The following EXOSC2 variants were observed in gnomAD, a reference collection of about 807,000 sequenced individuals.
The protein encoded by EXOSC2 is exosome complex component RRP4.
EXOSC2 carries 29 observed loss-of-function variants against 37.6 expected under a neutral mutation model. The observed-to-expected ratio is 0.77, with a 90% CI of 0.57 to 1.05. The LOEUF is 1.05. EXOSC2 is among the 50% of genes least tolerant of loss of function. The pLI, the probability that EXOSC2 is intolerant of heterozygous loss-of-function variation, is 0.00. For synonymous variants in EXOSC2, 119 were observed against 131.1 expected, an observed-to-expected ratio of 0.91 and a Z score of 0.63; for missense variants, 346 against 365.6, an observed-to-expected ratio of 0.95 and a Z score of 0.44.
In EXOSC2 at chr9:130,699,341, G is replaced by A; in HGVS notation, c.373G>A (p.Ala125Thr). The A allele has an allele frequency of 1.2e-6, 2 of 1,614,186 alleles. No homozygotes were observed. The highest frequency in any genetic ancestry group is 4.5e-5 in the East Asian group (2 of 44,886). The change falls in exon 5 of 9, where the codon GCA (alanine) becomes ACA (threonine). Residue 125 changes from alanine to threonine, a missense_variant. Transcript: ENST00000372358. ...LPGGELRRRSAEDELAMRGFL... is the reference protein window; with the variant it reads ...LPGGELRRRSTEDELAMRGFL... ...TTGTGTATTTCAGAGGAGAAGATCT[G>A]CAGAAGATGAGCTTGCAATGAGAGG... is the stretch of plus-strand genomic sequence containing the variant.
rs781717993 is a variant in EXOSC2, at chr9:130,698,263, AGCTGGGGCCATGGACTAGGGCCCAGTGG to A, written c.360+20_360+47del. The A allele has an allele frequency of 1.7e-5, 27 of 1,613,134 alleles. No homozygotes were observed. Among genetic ancestry groups the A allele is most frequent in the Non-Finnish European group, 2.1e-5 (25 of 1,179,684 alleles). ...CTGGAGGAGAGCTGGTAAGGGCTAC[AGCTGGGGCCATGGACTAGGGCCCAGTGG>A]GCTGGGGGGAGCCGTGGGACCCTTT... On this transcript the variant is annotated intron_variant, in intron 4 of 8. Transcript: ENST00000372358. The surrounding 1 kb of genome is among the most constrained non-coding windows in gnomAD (Gnocchi z 4.1).
rs369403330 is a variant in EXOSC2, at chr9:130,698,261, A to G, written c.360+10A>G. The G allele has an allele frequency of 9.3e-6, 15 of 1,613,176 alleles. No homozygotes were observed. Among genetic ancestry groups the G allele is most frequent in the Non-Finnish European group, 5.1e-6 (6 of 1,179,692 alleles). On this transcript the variant is annotated intron_variant, in intron 4 of 8. Transcript: ENST00000372358. The surrounding 1 kb of genome is among the most constrained non-coding windows in gnomAD (Gnocchi z 4.1). The stretch of plus-strand genomic sequence containing the variant: ...TCCTGGAGGAGAGCTGGTAAGGGCT[A>G]CAGCTGGGGCCATGGACTAGGGCCC...
At chr9:130,703,642 G>A in intron 8 of EXOSC2, 52 bp from the exon 9 acceptor site, 1 of 1,402,870 alleles carries the variant, frequency 7.1e-7, no homozygotes, top group Non-Finnish European at 9.9e-7. Flanking sequence ...TGGCTTGGTG[G>A]TCTGTTTATG....
At chr9:130,701,637 T>C in intron 6 of EXOSC2, 1 of 985,966 alleles carries the variant, frequency 1.0e-6, no homozygotes, top group South Asian at 4.7e-5. Flanking sequence ...TCCTGCGGAC[T>C]CTTCCTTGGC....
chr9:130,704,077 C>G lies in EXOSC2; in HGVS notation c.*303C>G, dbSNP rs957680514. The stretch of plus-strand genomic sequence containing the variant: ...CCATCCTGGAATAATATGGAGAATC[C>G]TTTGTCTTCCACTCACTGTCATTCA... On this transcript the variant is annotated 3_prime_UTR_variant, in exon 9 of 9. Transcript: ENST00000372358. The G allele has an allele frequency of 7.7e-5, 17 of 220,336 alleles. No homozygotes were observed. Among genetic ancestry groups the G allele is most frequent in the African/African-American group, 3.4e-4 (15 of 43,936 alleles). The allele number at this position is 220,336 out of a possible 1,614,324, so 13.6% of individuals were successfully genotyped here.
intron 4 of EXOSC2, among the ~76,000 whole-genome samples, chr9:130,699,053 A>G (rs540815009): frequency 6.6e-6 from 1 of 152,140 alleles, no homozygotes; most frequent in African/African-American, 2.4e-5. Context: ...GAAGATGACT[A>G]TGGAAATGTT....
At chr9:130,697,385 T>G (rs557930454) in intron 2 of EXOSC2, among the ~76,000 whole-genome samples, 197 bp from the exon 3 acceptor site, 2 of 152,254 alleles carry the variant, frequency 1.3e-5, no homozygotes, top group African/African-American at 4.8e-5. Context: ...GGATAGTTAA[T>G]GGAGACTTTA....
intron 5 of EXOSC2, among the ~76,000 whole-genome samples, chr9:130,700,508 C>T (rs1382037745): frequency 4.6e-5 from 7 of 151,508 alleles, no homozygotes; most frequent in African/African-American, 9.7e-5. Flanking sequence ...TACAGGCATG[C>T]GCCACTATGC....
In EXOSC2 at chr9:130,703,873, C is replaced by T; in HGVS notation, c.*99C>T. The T allele has an allele frequency of 1.0e-6, 1 of 980,410 alleles. No homozygotes were observed. The highest frequency in any genetic ancestry group is 1.5e-6 in the Non-Finnish European group (1 of 657,312). 60.7% of individuals were successfully genotyped at this position (980,410 alleles called of 1,614,324 possible). A position where few individuals can be genotyped will look rare whatever the true frequency, so the allele number is the denominator to read the frequency against. ...CTCAGCAAAGACTCGAGAGATCATC[C>T]CTTTGTCTGCATTGACGGCCCTGTG... On this transcript the variant is annotated 3_prime_UTR_variant, in exon 9 of 9. Transcript: ENST00000372358.
intron 7 of EXOSC2, 104 bp downstream of exon 7, chr9:130,702,414 T>C: frequency 1.1e-6 from 1 of 900,768 alleles, no homozygotes; most frequent in South Asian, 1.7e-5. Context: ...GTTACTGGTG[T>C]AGGCTGAGTC....
rs1212543065 is a variant in EXOSC2 at position 130,694,857 on chromosome 9, C to T, written c.123-635C>T. 2.0e-5 allele frequency among the ~76,000 whole-genome samples: 3 copies of T among 151,666 alleles called. No homozygotes were observed. Among genetic ancestry groups the T allele is most frequent in the Non-Finnish European group, 4.4e-5 (3 of 67,954 alleles). On this transcript the variant is annotated intron_variant, in intron 1 of 8. Transcript: ENST00000372358. This position sits in a 1 kb window ranked among gnomAD's most constrained non-coding sequence, Gnocchi z 4.0. ...AGCTGGGATTACAGGTGCACGCCAC[C>T]ATGCCTAGCTAATTTTTGGTTTTTT...
chr9:130,694,246 G>C lies in EXOSC2; in HGVS notation c.122+333G>C, dbSNP rs1005110527. On this transcript the variant is annotated intron_variant, in intron 1 of 8. Transcript: ENST00000372358. This position sits in a 1 kb window ranked among gnomAD's most constrained non-coding sequence, Gnocchi z 4.0. Reference sequence around the variant, plus strand: ...AGGGTTAGGTGCAGGCTCTTTTCCAGTTTTCAGCTCTCTGAGGGGACGGTG... The same window carrying C: ...AGGGTTAGGTGCAGGCTCTTTTCCACTTTTCAGCTCTCTGAGGGGACGGTG... 2.0e-5 allele frequency among the ~76,000 whole-genome samples: 3 copies of C among 152,084 alleles called. No individual in the cohort carries two copies. Among genetic ancestry groups the C allele is most frequent in the Non-Finnish European group, 4.4e-5 (3 of 68,008 alleles).
rs751751773 is a variant in EXOSC2, at chr9:130,698,200, G to T, written c.309G>T (p.Arg103Ser). The T allele has an allele frequency of 6.2e-7, 1 of 1,614,174 alleles. No homozygotes were observed. Among genetic ancestry groups the T allele is most frequent in the Non-Finnish European group, 8.5e-7 (1 of 1,180,014 alleles). Residue 103 changes from arginine (R) to serine (S), a missense_variant, in exon 4 of 9, where the codon AGG becomes AGT. Coordinates refer to ENST00000372358, the MANE Select transcript of EXOSC2 (RefSeq NM_014285.7). The surrounding 1 kb of genome is among the most constrained non-coding windows in gnomAD (Gnocchi z 4.1). ...GGTGGAAGGTGGAGACCAACTCCAG[G>T]CTGGATTCGGTCTTGCTGCTCTCGT... The part of the protein sequence containing the change: ...QKRWKVETNS[R>S]LDSVLLLSSM...
chr9:130,693,947 A>G, intron 1 of EXOSC2, 34 bp downstream of exon 1: 1 of 1,574,064 alleles, frequency 6.4e-7, no homozygotes, highest in Non-Finnish European at 8.7e-7. Flanking sequence ...GAGGCTTCAG[A>G]GAGCGGCTTC....
At position 130,702,126 on chromosome 9, in the gene EXOSC2, T is replaced by C. The variant is rs1831229403; in HGVS notation, c.496-8T>C. On this transcript the variant is annotated splice_region_variant and splice_polypyrimidine_tract_variant and intron_variant, in intron 6 of 8. Coordinates refer to ENST00000372358, the MANE Select transcript of EXOSC2 (RefSeq NM_014285.7). ...GCAGTGACCTAGCTTCGTGATATAT[T>C]TCTTTAGCTAGGTCAGGGGGTTTTG... The C allele has an allele frequency of 2.5e-6, 4 of 1,612,780 alleles. No homozygotes were observed. Among genetic ancestry groups the C allele is most frequent in the Non-Finnish European group, 3.4e-6 (4 of 1,179,580 alleles).
rs767784154 is a variant in EXOSC2 at position 130,703,734 on chromosome 9, T to C, written c.842T>C (p.Val281Ala). Reference sequence around the variant, plus strand: ...AAGCCAGAAATAATGGAGGAGATTGTGATGGAAACACGCCAGAGGCTTTTG... The same window carrying C: ...AAGCCAGAAATAATGGAGGAGATTGCGATGGAAACACGCCAGAGGCTTTTG... ...ILKPEIMEEI[V>A]METRQRLLEQ... The change falls in exon 9 of 9, where the codon GTG becomes GCG. Residue 281 changes from valine to alanine, a missense_variant. Transcript: ENST00000372358. The C allele has an allele frequency of 1.2e-6, 2 of 1,613,980 alleles. No homozygotes were observed. The highest frequency in any genetic ancestry group is 1.7e-5 in the Admixed American group (1 of 59,998).
At chr9:130,699,420 T>G (rs1031920226) in intron 5 of EXOSC2, 26 bp downstream of exon 5, 2 of 1,609,340 alleles carry the variant, frequency 1.2e-6, no homozygotes, top group Non-Finnish European at 1.7e-6. Flanking sequence ...CACTCCAGCC[T>G]CTTGATGCTT....
In EXOSC2 at chr9:130,699,340, T is replaced by A; in HGVS notation, c.372T>A (p.Ser124=). The A allele has an allele frequency of 6.2e-7, 1 of 1,614,214 alleles. No individual in the cohort carries two copies. Among genetic ancestry groups the A allele is most frequent in the Non-Finnish European group, 8.5e-7 (1 of 1,180,032 alleles). Residue 124 remains serine, a synonymous_variant, in exon 5 of 9, where the codon TCT becomes TCA. Coordinates refer to ENST00000372358, the MANE Select transcript of EXOSC2 (RefSeq NM_014285.7). ...TTTGTGTATTTCAGAGGAGAAGATC[T>A]GCAGAAGATGAGCTTGCAATGAGAG... ...NLPGGELRRR[S]AEDELAMRGF...
chr9:130,702,913 T>A, intron 7 of EXOSC2, 140 bp from the exon 8 acceptor site: 1 of 1,028,182 alleles, frequency 9.7e-7, no homozygotes, highest in Admixed American at 2.1e-5. Flanking sequence ...TAATCTCCCT[T>A]GGAATTAGCT....
Sources: gnomAD v4.1 joint callset for allele counts (sites outside exome capture counted in the v4.1 genomes callset) on GRCh38, gnomAD v4.1.1 for gene constraint, Gnocchi (gnomAD v3.1) non-coding constraint, MANE v1.5 for transcripts, NCBI Gene and HGNC (gene_info 2026-07-23, HGNC 2026-07-21) for gene names.